The following AGR3 variants were observed in gnomAD, a reference collection of about 807,000 sequenced individuals.
AGR3 encodes the protein anterior gradient 3, protein disulphide isomerase family member, also known as anterior gradient protein 3.
In AGR3, 37 loss-of-function variants were observed where a neutral mutation model predicts 24.5. That is an observed-to-expected ratio of 1.51 (90% CI 1.16 to 1.99). The LOEUF is 1.99. Among genes scored for constraint, AGR3 ranks in the 30% most tolerant of loss-of-function variants. AGR3 has a pLI of 0.00. For missense variants in AGR3, 228 were observed against 191.1 expected (o/e 1.19, Z -1.14); for synonymous variants, 75 against 61.6 (o/e 1.22, Z -1.02).
chr7:16,860,752 A>G (rs1048950373), intron 6 of AGR3, among the ~76,000 whole-genome samples, 169 bp from the exon 7 acceptor site: 2 of 152,200 alleles, frequency 1.3e-5, no homozygotes, highest in Admixed American at 1.3e-4. Flanking sequence ...CAACACCCTA[A>G]TAGTGAACAT....
downstream of AGR3, among the ~76,000 whole-genome samples, chr7:16,858,249 C>T (rs1476873069): frequency 6.6e-6 from 1 of 152,096 alleles, no homozygotes; most frequent in Non-Finnish European, 1.5e-5. Context: ...CCATCTCAGC[C>T]TCCCAAAGTG....
At chr7:16,868,417 A>AT (rs1478201977) in intron 3 of AGR3, among the ~76,000 whole-genome samples, 2 of 152,280 alleles carry the variant, frequency 1.3e-5, no homozygotes, top group African/African-American at 2.4e-5. Context: ...GGCCTCCCAA[A>AT]GTGCTGGGAT....
intron 2 of AGR3, among the ~76,000 whole-genome samples, chr7:16,876,417 T>C (rs10282044): frequency 0.95 from 144,589 of 152,156 alleles, 68,949 homozygotes; most frequent in Non-Finnish European, 1. Flanking sequence ...TTTTGGATCA[T>C]TCTATGTGTG....
Position 16,866,311 on chromosome 7 carries a change from T to A in AGR3, c.174-3649A>T, listed in dbSNP as rs1237414053. 13 of 543,772 alleles carry A rather than the reference T, an allele frequency of 2.4e-5. No individual in the cohort carries two copies. In the East Asian group the frequency reaches 5.7e-4, roughly 24 times the overall value. 33.7% of individuals were successfully genotyped at this position (543,772 alleles called of 1,614,324 possible). A position where few individuals can be genotyped will look rare whatever the true frequency, so the allele number is the denominator to read the frequency against. On this transcript the variant is annotated intron_variant, in intron 3 of 7. Transcript: ENST00000310398. Reference sequence around the variant, plus strand: ...GGTCTAAGAAAAGTTTTTGACATTATAAACTGTAATAGTTCCCATCCATAG... The same window carrying A: ...GGTCTAAGAAAAGTTTTTGACATTAAAAACTGTAATAGTTCCCATCCATAG...
Position 16,860,536 on chromosome 7 carries a change from T to C in AGR3, c.415A>G (p.Arg139Gly). Residue 139 changes from arginine to glycine, a missense_variant, in exon 7 of 8, where the codon AGA becomes GGA. By Grantham distance (125) the Arg-to-Gly change is moderately radical (BLOSUM62 -2). Transcript: ENST00000310398. ...TCCCGAGGCTCATATGTGTACAATC[T>C]GTTAGAGTATCTTCCAGCTATGTCA... ...RADIAGRYSN[R>G]LYTYEPRDLP... is the part of the protein sequence containing the mutation. 1 of 1,613,966 alleles carries C rather than the reference T, an allele frequency of 6.2e-7. No individual in the cohort carries two copies. Among genetic ancestry groups the C allele is most frequent in the Non-Finnish European group, 8.5e-7 (1 of 1,179,856 alleles).
intron 3 of AGR3, chr7:16,864,839 T>C: frequency 1.1e-6 from 1 of 879,146 alleles, no homozygotes; most frequent in Non-Finnish European, 2.0e-6. Flanking sequence ...CTATATTTCC[T>C]GAGTAAAGAG....
At chr7:16,864,128 G>C in intron 3 of AGR3, 1 of 486,384 alleles carries the variant, frequency 2.1e-6, no homozygotes, top group East Asian at 4.3e-5. Context: ...AGTTTTTCGT[G>C]ATGAAAGACT....
At chr7:16,856,967 T>C (rs1781562367), downstream of AGR3, among the ~76,000 whole-genome samples, 1 of 138,142 alleles carries the variant, frequency 7.2e-6, no homozygotes, top group African/African-American at 2.8e-5. Context: ...TCAACTACAA[T>C]ATAGAAAGGT....
intron 3 of AGR3, among the ~76,000 whole-genome samples, chr7:16,862,985 C>T (rs552696680): frequency 3.3e-5 from 5 of 152,312 alleles, no homozygotes; most frequent in African/African-American, 9.6e-5. Context: ...ACATGAGAAT[C>T]GCTTGAACCC....
At chr7:16,873,261 C>T (rs1351566609) in intron 3 of AGR3, among the ~76,000 whole-genome samples, 2 of 152,010 alleles carry the variant, frequency 1.3e-5, no homozygotes, top group African/African-American at 2.4e-5. Context: ...ACTACCCAGA[C>T]ATAAAAATAA....
At chr7:16,858,673 C>T (rs1781586183), downstream of AGR3, among the ~76,000 whole-genome samples, 1 of 151,894 alleles carries the variant, frequency 6.6e-6, no homozygotes, top group Admixed American at 6.6e-5. Context: ...GAGTTCGAGA[C>T]CAGCCTGGCC....
chr7:16,877,826 A>G (rs369471241), intron 2 of AGR3, among the ~76,000 whole-genome samples: 88 of 149,952 alleles, frequency 5.9e-4, no homozygotes, highest in Non-Finnish European at 9.3e-4. Context: ...TCGTGCCACT[A>G]CACTCCAGCC....
At chr7:16,869,832 T>C (rs1349267430) in intron 3 of AGR3, among the ~76,000 whole-genome samples, 1 of 151,846 alleles carries the variant, frequency 6.6e-6, no homozygotes, top group Non-Finnish European at 1.5e-5. Flanking sequence ...TAATATACTG[T>C]TTATTATTGC....
At chr7:16,860,633 T>G in intron 6 of AGR3, 50 bp from the exon 7 acceptor site, 1 of 1,299,948 alleles carries the variant, frequency 7.7e-7, no homozygotes, top group Non-Finnish European at 1.1e-6. Context: ...CATGTTCTTT[T>G]CTTTACTCTT....
chr7:16,871,011 G>A (rs1334221769), intron 3 of AGR3, among the ~76,000 whole-genome samples: 3 of 152,060 alleles, frequency 2.0e-5, no homozygotes, highest in Non-Finnish European at 4.4e-5. Context: ...GACTTAGTAG[G>A]TCTTTAAGAA....
chr7:16,856,240 G>A (rs888098838), downstream of AGR3, among the ~76,000 whole-genome samples: 5 of 152,162 alleles, frequency 3.3e-5, no homozygotes, highest in Non-Finnish European at 5.9e-5. Context: ...GAATAATTGG[G>A]AAAGATTAAA....
At chr7:16,859,074 C>A (rs185198224), downstream of AGR3, among the ~76,000 whole-genome samples, 1 of 151,944 alleles carries the variant, frequency 6.6e-6, no homozygotes, top group African/African-American at 2.4e-5. Context: ...AGGTATGGTA[C>A]AGGGGAGGAG....
rs1781722894 is a variant in AGR3 at position 16,864,840 on chromosome 7, G to C, written c.174-2178C>G. The C allele has an allele frequency of 4.6e-6, 4 of 878,048 alleles. No individual in the cohort carries two copies. In the East Asian group the frequency reaches 9.6e-5, roughly 21 times the overall value. 54.4% of individuals were successfully genotyped at this position (878,048 alleles called of 1,614,324 possible). A position where few individuals can be genotyped will look rare whatever the true frequency, so the allele number is the denominator to read the frequency against. ...TAGCTATAGATGTCCTATATTTCCTGAGTAAAGAGCGTGTATTCCAGTCAC... is the reference window on the plus strand; with the variant it reads ...TAGCTATAGATGTCCTATATTTCCTCAGTAAAGAGCGTGTATTCCAGTCAC... On this transcript the variant is annotated intron_variant, in intron 3 of 7. Coordinates refer to ENST00000310398, the MANE Select transcript of AGR3 (RefSeq NM_176813.5).
At chr7:16,865,610 A>G (rs191105964) in intron 3 of AGR3, 17 of 739,206 alleles carry the variant, frequency 2.3e-5, no homozygotes, top group Non-Finnish European at 3.8e-5. Context: ...GAGAATCCCT[A>G]TAAACTGGTT....
Sources: gnomAD v4.1 joint callset for allele counts (sites outside exome capture counted in the v4.1 genomes callset) on GRCh38, gnomAD v4.1.1 for gene constraint, MANE v1.5 for transcripts, NCBI Gene and HGNC (gene_info 2026-07-23, HGNC 2026-07-21) for gene names.